SHC1: variants seen among roughly 807,000 people sequenced by gnomAD.
The protein encoded by SHC1 is SHC-transforming protein 1.
Under a neutral mutation model 55.9 loss-of-function variants are expected in SHC1, and 30 were observed. That is an observed-to-expected ratio of 0.54 (90% CI 0.40 to 0.73). The LOEUF is 0.73. SHC1 is among the 30% of genes least tolerant of loss of function. The pLI, the probability that SHC1 is intolerant of heterozygous loss-of-function variation, is 0.00. For synonymous variants in SHC1, 309 were observed against 306.1 expected (o/e 1.01, Z -0.10); for missense variants, 675 against 777.1 (o/e 0.87, Z 1.56).
Position 154,970,573 on chromosome 1 carries a change from G to T in SHC1, c.-47C>A. 2.0e-6 allele frequency: 3 copies of T among 1,484,640 alleles called. No individual in the cohort carries two copies. Among genetic ancestry groups the T allele is most frequent in the Non-Finnish European group, 2.7e-6 (3 of 1,099,676 alleles). The allele number at this position is 1,484,640 out of a possible 1,614,324, so 92.0% of individuals were successfully genotyped here. A position where few individuals can be genotyped will look rare whatever the true frequency, so the allele number is the denominator to read the frequency against. On this transcript the variant is annotated 5_prime_UTR_variant, in exon 1 of 12. It adds an upstream start codon to the 5' untranslated region. Coordinates refer to ENST00000448116, the MANE Select transcript of SHC1 (RefSeq NM_001130040.2). The surrounding 1 kb of genome is among the most constrained non-coding windows in gnomAD (Gnocchi z 5.5). Reference sequence around the variant, plus strand: ...GCTGCCCAGCCTGGCCCCCCTGCCAGTTTGGGCAAGGGGGCCAGGCAGGGG... The same window carrying T: ...GCTGCCCAGCCTGGCCCCCCTGCCATTTTGGGCAAGGGGGCCAGGCAGGGG...
In SHC1 at chr1:154,963,724, C is replaced by A. The variant is rs987395518; in HGVS notation, c.*79G>T. 2.6e-6 allele frequency: 4 copies of A among 1,529,766 alleles called. No individual in the cohort carries two copies. Among genetic ancestry groups the A allele is most frequent in the Non-Finnish European group, 3.6e-6 (4 of 1,117,442 alleles). The allele number at this position is 1,529,766 out of a possible 1,614,324, so 94.8% of individuals were successfully genotyped here. A position where few individuals can be genotyped will look rare whatever the true frequency, so the allele number is the denominator to read the frequency against. On this transcript the variant is annotated 3_prime_UTR_variant, in exon 12 of 12. Coordinates refer to ENST00000448116, the MANE Select transcript of SHC1 (RefSeq NM_001130040.2). ...CACAAGGCCAAGCCCACAGAACACT[C>A]CCAAACGAGGTCCCGAGAGTTAGGG...
rs1656655180 is a variant in SHC1, at chr1:154,970,689, CCAGCT to C, written c.-168_-164del. On this transcript the variant is annotated 5_prime_UTR_variant, in exon 1 of 12. An upstream open reading frame in the 5' UTR loses its in-frame stop. Coordinates refer to ENST00000448116, the MANE Select transcript of SHC1 (RefSeq NM_001130040.2). This position sits in a 1 kb window ranked among gnomAD's most constrained non-coding sequence, Gnocchi z 5.5. ...GAGAGGGACAAGTGGCTTCCGCTCC[CCAGCT>C]CAGACCCAGACAGTTTCAGGCCCCA... The C allele has an allele frequency of 3.6e-6, 2 of 555,134 alleles. No homozygotes were observed. Among genetic ancestry groups the C allele is most frequent in the African/African-American group, 3.9e-5 (2 of 50,678 alleles). 34.4% of individuals were successfully genotyped at this position (555,134 alleles called of 1,614,324 possible). A position where few individuals can be genotyped will look rare whatever the true frequency, so the allele number is the denominator to read the frequency against.
In SHC1 at chr1:154,970,209, G is replaced by A. The variant is rs746245743; in HGVS notation, c.318C>T (p.Pro106=). 6.2e-7 allele frequency: 1 copy of A among 1,613,788 alleles called. No individual in the cohort carries two copies. Among genetic ancestry groups the A allele is most frequent in the Non-Finnish European group, 8.5e-7 (1 of 1,179,908 alleles). The change falls in exon 1 of 12, where the codon CCC becomes CCT. Residue 106 remains proline, a synonymous_variant. Transcript: ENST00000448116. This position sits in a 1 kb window ranked among gnomAD's most constrained non-coding sequence, Gnocchi z 5.5. ...GAAMPDSGPL[P]LLQDMNKLSG... ...TCAGCTTGTTCATGTCCTGGAGGAG[G>A]GGTAGGGGGCCTGAGTCTGGCATGG... is the stretch of plus-strand genomic sequence containing the variant.
chr1:154,970,905 G>A (rs1656678907), upstream of SHC1, among the ~76,000 whole-genome samples: 1 of 152,118 alleles, frequency 6.6e-6, no homozygotes, highest in South Asian at 2.1e-4. This position sits in a 1 kb window ranked among gnomAD's most constrained non-coding sequence, Gnocchi z 5.5. Flanking sequence ...AGGGGGTAGG[G>A]CTATCCAAGC....
intron 7 of SHC1, among the ~76,000 whole-genome samples, chr1:154,967,328 C>A (rs956155190): frequency 6.6e-6 from 1 of 152,118 alleles, no homozygotes. Flanking sequence ...AACCCAAATT[C>A]TTGATGGCTT....
At chr1:154,971,966 T>A (rs1229576772), upstream of SHC1, among the ~76,000 whole-genome samples, 2 of 151,708 alleles carry the variant, frequency 1.3e-5, no homozygotes, top group African/African-American at 4.8e-5. Flanking sequence ...TACGTATTCC[T>A]ACCGGGCGCG....
At chr1:154,971,094 G>C (rs765471945), upstream of SHC1, among the ~76,000 whole-genome samples, 11 of 152,164 alleles carry the variant, frequency 7.2e-5, no homozygotes, top group Admixed American at 1.3e-4. Flanking sequence ...GGGAATGAGG[G>C]AGGAAACAGA....
At chr1:154,965,500 C>T in intron 11 of SHC1, 43 bp downstream of exon 11, 2 of 1,614,040 alleles carry the variant, frequency 1.2e-6, no homozygotes, top group South Asian at 1.1e-5. Flanking sequence ...GGTACTGTAC[C>T]TTCCTTTTTG....
intron 3 of SHC1, 72 bp from the exon 4 acceptor site, chr1:154,968,686 C>A (rs1656331018): frequency 1.2e-6 from 2 of 1,610,718 alleles, no homozygotes; most frequent in South Asian, 2.2e-5. Flanking sequence ...GCCTCCTGGC[C>A]CTCTCCCCAC....
At position 154,970,659 on chromosome 1, in the gene SHC1, G is replaced by C; in HGVS notation, c.-133C>G. 1.7e-6 allele frequency: 1 copy of C among 604,230 alleles called. No individual in the cohort carries two copies. 37.4% of individuals were successfully genotyped at this position (604,230 alleles called of 1,614,324 possible). A position where few individuals can be genotyped will look rare whatever the true frequency, so the allele number is the denominator to read the frequency against. ...GGCCCAGGAGTCACAGAAGTCCTGG[G>C]GAGGGAGAGGGACAAGTGGCTTCCG... On this transcript the variant is annotated 5_prime_UTR_variant, in exon 1 of 12. Transcript: ENST00000448116. This position sits in a 1 kb window ranked among gnomAD's most constrained non-coding sequence, Gnocchi z 5.5.
At chr1:154,969,067 C>T (rs759795534) in intron 2 of SHC1, among the ~76,000 whole-genome samples, 49 of 152,120 alleles carry the variant, frequency 3.2e-4, no homozygotes, top group Non-Finnish European at 6.0e-4. Flanking sequence ...TTCCAGCTAC[C>T]AAATGTCCCA....
At chr1:154,970,815 G>C (rs1202747936), upstream of SHC1, 1 of 318,974 alleles carries the variant, frequency 3.1e-6, no homozygotes, top group African/African-American at 2.2e-5. The surrounding 1 kb of genome is among the most constrained non-coding windows in gnomAD (Gnocchi z 5.5). Context: ...GCTAAGGGGA[G>C]AGACCAATCG....
At chr1:154,967,851 G>C (rs776106192) in intron 6 of SHC1, 54 bp from the exon 7 acceptor site, 66 of 1,608,594 alleles carry the variant, frequency 4.1e-5, no homozygotes, top group Non-Finnish European at 5.6e-5. Context: ...AGGAGGCACA[G>C]ACAGGGGCCC....
intron 7 of SHC1, among the ~76,000 whole-genome samples, chr1:154,966,878 G>A (rs1369359480): frequency 6.6e-6 from 1 of 152,230 alleles, no homozygotes; most frequent in Non-Finnish European, 1.5e-5. Flanking sequence ...CAAGGAGGGA[G>A]GGTTGTTTGA....
At chr1:154,968,648 G>A (rs1195345738) in intron 3 of SHC1, 34 bp from the exon 4 acceptor site, 7 of 1,613,452 alleles carry the variant, frequency 4.3e-6, no homozygotes, top group African/African-American at 1.3e-5. Context: ...GAAGGTGAGG[G>A]TTCCCAGCAC....
At chr1:154,968,336 CCAGTCT>C (rs1391764752) in intron 4 of SHC1, 79 bp from the exon 5 acceptor site, 2 of 1,548,868 alleles carry the variant, frequency 1.3e-6, no homozygotes, top group African/African-American at 2.7e-5. Context: ...CCCTGGTGCC[CCAGTCT>C]CATTCTCTGG....
chr1:154,968,980 CT>C lies in SHC1; in HGVS notation c.567-147del, dbSNP rs1656385786. 4 of 725,264 alleles carry C rather than the reference CT, an allele frequency of 5.5e-6. No homozygotes were observed. In the African/African-American group the frequency reaches 7.0e-5, roughly 13 times the overall value. 44.9% of individuals were successfully genotyped at this position (725,264 alleles called of 1,614,324 possible). A position where few individuals can be genotyped will look rare whatever the true frequency, so the allele number is the denominator to read the frequency against. On this transcript the variant is annotated intron_variant, in intron 2 of 11. Transcript: ENST00000448116. ...TGTCATGGTGGATTGAATTAAGGGC[CT>C]TTAATATTTGATGACACTGAGAGGC...
Position 154,970,314 on chromosome 1 carries a change from G to A in SHC1, c.213C>T (p.Ala71=). The change falls in exon 1 of 12, where the codon GCC becomes GCT. Residue 71 remains alanine, a synonymous_variant. Transcript: ENST00000448116. The surrounding 1 kb of genome is among the most constrained non-coding windows in gnomAD (Gnocchi z 5.5). ...FFPRMSNLRL[A]NPAGGRPGSK... The stretch of plus-strand genomic sequence containing the variant: ...ACCCTGGGCGCCCCCCAGCCGGGTT[G>A]GCCAGCCTCAGGTTGCTCATCCGGG... 1 of 1,605,242 alleles carries A rather than the reference G, an allele frequency of 6.2e-7. No homozygotes were observed. The highest frequency in any genetic ancestry group is 8.5e-7 in the Non-Finnish European group (1 of 1,174,964).
Position 154,968,786 on chromosome 1 carries a change from C to A in SHC1, c.615G>T (p.Ala205=). 6.2e-7 allele frequency: 1 copy of A among 1,613,738 alleles called. No homozygotes were observed. The highest frequency in any genetic ancestry group is 8.5e-7 in the Non-Finnish European group (1 of 1,179,848). Residue 205 remains alanine (A), a synonymous_variant, in exon 3 of 12, where the codon GCG becomes GCT. Transcript: ENST00000448116. ...CCCCAAGTACCTTTCTCCTCCTTGT[C>A]GCCCCCTTAGCACCCGGCACAGCCT... ...VCEAVPGAKG[A]TRRRKPCSRP...
Sources: allele counts gnomAD v4.1 joint callset (sites outside exome capture counted in the v4.1 genomes callset), GRCh38; gene constraint gnomAD v4.1.1; non-coding constraint Gnocchi (gnomAD v3.1); transcripts MANE v1.5; gene names NCBI Gene and HGNC (gene_info 2026-07-23, HGNC 2026-07-21).